Variants in CNTNAP2 observed in about 807,000 individuals in gnomAD.
CNTNAP2 encodes the protein contactin associated protein 2, also known as contactin-associated protein-like 2.
CNTNAP2 carries 98 observed loss-of-function variants against 155.2 expected under a neutral mutation model. The observed-to-expected ratio is 0.63, with a 90% CI of 0.54 to 0.75. CNTNAP2 has a LOEUF of 0.75. Among genes scored for constraint, CNTNAP2 ranks in the 30% least tolerant of loss-of-function variants. CNTNAP2 has a pLI of 0.00. For synonymous variants in CNTNAP2, 651 were observed against 631.2 expected (o/e 1.03, Z -0.47); for missense variants, 1,727 against 1,688.1 (o/e 1.02, Z -0.40).
intron 1 of CNTNAP2, among the ~76,000 whole-genome samples, chr7:146,641,087 G>C (rs987782016): frequency 1.3e-5 from 2 of 152,196 alleles, no homozygotes; most frequent in African/African-American, 2.4e-5. Flanking sequence ...AGCACTTTGG[G>C]AGGCTGAGGT....
chr7:146,761,703 G>A (rs182215220), intron 1 of CNTNAP2, among the ~76,000 whole-genome samples: 2 of 151,730 alleles, frequency 1.3e-5, no homozygotes, highest in East Asian at 1.9e-4. Context: ...TACCCCTTCA[G>A]GCAGAACTTA....
At chr7:146,749,575 T>C (rs1801868019) in intron 1 of CNTNAP2, among the ~76,000 whole-genome samples, 1 of 152,210 alleles carries the variant, frequency 6.6e-6, no homozygotes, top group African/African-American at 2.4e-5. Flanking sequence ...AAAAAATGAC[T>C]ATCCATGCAA....
At chr7:147,898,334 A>T (rs1212904908) in intron 13 of CNTNAP2, among the ~76,000 whole-genome samples, 1 of 152,108 alleles carries the variant, frequency 6.6e-6, no homozygotes, top group Non-Finnish European at 1.5e-5. Context: ...GTACCACAGT[A>T]TTTTTTTGCA....
intron 1 of CNTNAP2, among the ~76,000 whole-genome samples, chr7:146,326,872 A>G (rs557878872): frequency 5.9e-5 from 9 of 152,356 alleles, no homozygotes; most frequent in African/African-American, 2.2e-4. Flanking sequence ...TTCTTATGGA[A>G]GGAAATTCAC....
intron 1 of CNTNAP2, among the ~76,000 whole-genome samples, chr7:146,484,944 G>C (rs1584946745): frequency 6.6e-6 from 1 of 151,924 alleles, no homozygotes; most frequent in Admixed American, 6.6e-5. Context: ...GAAATTGATC[G>C]TGCTGATAAG....
chr7:146,751,265 A>G (rs1801898955), intron 1 of CNTNAP2, among the ~76,000 whole-genome samples: 1 of 151,242 alleles, frequency 6.6e-6, no homozygotes, highest in Admixed American at 6.6e-5. Flanking sequence ...AAATTTGAGC[A>G]TACAAATTTA....
intron 1 of CNTNAP2, among the ~76,000 whole-genome samples, chr7:146,571,250 TG>T (rs1197953295): frequency 6.6e-6 from 1 of 152,058 alleles, no homozygotes; most frequent in Non-Finnish European, 1.5e-5. Context: ...GATTGCAAAC[TG>T]TAATGGGAAG....
rs554492133 is a variant in CNTNAP2 at position 147,657,011 on chromosome 7, T to C, written c.2098+17705T>C. ...CACACACACACTCACAAACACACACTCGTGGTTTCAAAAAGAAACTACTCA... is the reference window on the plus strand; with the variant it reads ...CACACACACACTCACAAACACACACCCGTGGTTTCAAAAAGAAACTACTCA... On this transcript the variant is annotated intron_variant, in intron 13 of 23. Transcript: ENST00000361727. Among the ~76,000 whole-genome samples, 4 of 152,268 alleles carry C rather than the reference T, an allele frequency of 2.6e-5. No individual in the cohort carries two copies. The South Asian group carries it at 8.3e-4, about 32-fold the overall frequency.
chr7:146,860,578 G>A (rs568714053), intron 3 of CNTNAP2, among the ~76,000 whole-genome samples: 5 of 152,146 alleles, frequency 3.3e-5, no homozygotes, highest in African/African-American at 1.2e-4. Context: ...AAAGAAAAAT[G>A]GATCATATTG....
In CNTNAP2 at chr7:146,879,781, A is replaced by G. The variant is rs149651553; in HGVS notation, c.402+39877A>G. Among the ~76,000 whole-genome samples, 16 of 152,240 alleles carry G rather than the reference A, an allele frequency of 1.1e-4. No homozygotes were observed. In the East Asian group the frequency reaches 2.7e-3, roughly 26 times the overall value. On this transcript the variant is annotated intron_variant, in intron 3 of 23. Coordinates refer to ENST00000361727, the MANE Select transcript of CNTNAP2 (RefSeq NM_014141.6). Reference sequence around the variant, plus strand: ...ATTTTTCTTTATAATAATAAAGAAAATAAAGATTGTATTAGTCTGTTTTCA... The same window carrying G: ...ATTTTTCTTTATAATAATAAAGAAAGTAAAGATTGTATTAGTCTGTTTTCA...
intron 12 of CNTNAP2, among the ~76,000 whole-genome samples, chr7:147,563,068 A>T (rs1800095167): frequency 6.6e-6 from 1 of 152,154 alleles, no homozygotes; most frequent in African/African-American, 2.4e-5. Flanking sequence ...TATCATGACA[A>T]ATCCTTTGGA....
chr7:146,572,600 C>T (rs890567865), intron 1 of CNTNAP2, among the ~76,000 whole-genome samples: 4 of 152,110 alleles, frequency 2.6e-5, no homozygotes, highest in Admixed American at 6.5e-5. Context: ...ACAAGGAGGA[C>T]ATGAACATAT....
chr7:147,374,268 G>T (rs111554182), intron 9 of CNTNAP2, among the ~76,000 whole-genome samples: 129 of 151,962 alleles, frequency 8.5e-4, no homozygotes, highest in African/African-American at 2.9e-3. Flanking sequence ...AAGAAATTTG[G>T]CCCTTTATGA....
intron 1 of CNTNAP2, among the ~76,000 whole-genome samples, chr7:146,396,231 C>A (rs1055734043): frequency 1.3e-5 from 2 of 152,048 alleles, no homozygotes; most frequent in African/African-American, 4.8e-5. Context: ...TAAATGTGTT[C>A]TTTTCCTTTC....
intron 3 of CNTNAP2, among the ~76,000 whole-genome samples, chr7:146,844,508 TAGAG>T (rs66791103): frequency 0.037 from 5,617 of 151,618 alleles, 337 homozygotes; most frequent in African/African-American, 0.13. Flanking sequence ...TATAATCTGT[TAGAG>T]AGAGAGAGAG....
At chr7:146,812,837 C>A (rs372410985) in intron 2 of CNTNAP2, among the ~76,000 whole-genome samples, 1 of 152,200 alleles carries the variant, frequency 6.6e-6, no homozygotes, top group Non-Finnish European at 1.5e-5. Flanking sequence ...GACCCAGGGT[C>A]CCCCTGCTCT....
chr7:148,329,509 G>T (rs974119284), intron 21 of CNTNAP2, among the ~76,000 whole-genome samples: 9 of 152,134 alleles, frequency 5.9e-5, no homozygotes, highest in Admixed American at 5.9e-4. Flanking sequence ...AAATGTGCGG[G>T]CTGTGGGTCA....
intron 22 of CNTNAP2, among the ~76,000 whole-genome samples, chr7:148,384,152 C>G (rs1366365468): frequency 6.6e-6 from 1 of 152,208 alleles, no homozygotes. Context: ...CTTGCCTAAA[C>G]TGATGTCTGC....
intron 3 of CNTNAP2, among the ~76,000 whole-genome samples, chr7:146,930,591 AC>A (rs1212811700): frequency 2.0e-5 from 3 of 152,200 alleles, no homozygotes; most frequent in African/African-American, 7.2e-5. Context: ...AACAATATTA[AC>A]TTTAAATGTA....
Sources: allele counts gnomAD v4.1 joint callset (sites outside exome capture counted in the v4.1 genomes callset), GRCh38; gene constraint gnomAD v4.1.1; transcripts MANE v1.5; gene names NCBI Gene and HGNC (gene_info 2026-07-23, HGNC 2026-07-21).